The following CLCN7 variants were observed in gnomAD, a reference collection of about 807,000 sequenced individuals.
CLCN7 encodes the protein Cl-/H+ antiporter 7, also known as H(+)/Cl(-) exchange transporter 7.
A neutral mutation model predicts 102.1 loss-of-function variants in CLCN7; 60 were observed. That is an observed-to-expected ratio of 0.59 (90% CI 0.48 to 0.73). CLCN7 has a LOEUF of 0.73. CLCN7 is among the 30% of genes least tolerant of loss of function. The pLI is 0.00. For missense variants in CLCN7, 962 were observed against 1,125.7 expected, an observed-to-expected ratio of 0.85 and a Z score of 2.08; for synonymous variants, 560 against 490.5, an observed-to-expected ratio of 1.14 and a Z score of -1.87.
At position 1,475,014 on chromosome 16, in the gene CLCN7, G is replaced by A; in HGVS notation, c.-40C>T. ...CGACACCGGCCGGGAAGCGCCGGCT[G>A]CCCCCGTGTTTGTTCTCGTGACCCG... On this transcript the variant is annotated 5_prime_UTR_variant, in exon 1 of 25. Transcript: ENST00000382745. 4.2e-6 allele frequency: 6 copies of A among 1,414,396 alleles called. No individual in the cohort carries two copies. Among genetic ancestry groups the A allele is most frequent in the South Asian group, 2.9e-5 (2 of 69,256 alleles). The allele number at this position is 1,414,396 out of a possible 1,614,324, so 87.6% of individuals were successfully genotyped here.
At chr16:1,449,400 A>C (rs2038706954) in intron 17 of CLCN7, 73 bp from the exon 18 acceptor site, 2 of 1,459,418 alleles carry the variant, frequency 1.4e-6, no homozygotes, top group Admixed American at 3.9e-5. Flanking sequence ...CAGACGGAGG[A>C]GGCCCTGCCC....
At chr16:1,464,652 G>A (rs1434655301) in intron 2 of CLCN7, among the ~76,000 whole-genome samples, 1 of 152,224 alleles carries the variant, frequency 6.6e-6, no homozygotes, top group Non-Finnish European at 1.5e-5. Flanking sequence ...GGCAGAGCCA[G>A]GTGGGGCCTG....
At chr16:1,454,827 C>G (rs958599481) in intron 12 of CLCN7, among the ~76,000 whole-genome samples, 7 of 152,242 alleles carry the variant, frequency 4.6e-5, no homozygotes, top group African/African-American at 1.7e-4. Context: ...ACCCTGGAAA[C>G]TAGGCCTGAG....
chr16:1,455,168 G>A lies in CLCN7; in HGVS notation c.1064C>T (p.Pro355Leu). 5.0e-6 allele frequency: 8 copies of A among 1,613,350 alleles called. No homozygotes were observed. Among genetic ancestry groups the A allele is most frequent in the Non-Finnish European group, 6.8e-6 (8 of 1,179,358 alleles). ...AAACCTTCCGAAGTTGATGAGGCCT[G>A]GGCTGGACAGGTCCCACATGTTCCC... ...YHGNMWDLSS[P>L]GLINFGRFDS... is the part of the protein sequence containing the mutation. Residue 355 changes from proline to leucine, a missense_variant, in exon 12 of 25, where the codon CCA becomes CTA. Pro to Leu is a moderately conservative substitution (Grantham distance 98, BLOSUM62 -3). Around this residue, in one of 2 missense-constraint regions of CLCN7, gnomAD observed 799 missense variants for 988.0 expected, o/e 0.81. Coordinates refer to ENST00000382745, the MANE Select transcript of CLCN7 (RefSeq NM_001287.6).
Position 1,450,484 on chromosome 16 carries a change from C to T in CLCN7, c.1617+13G>A, listed in dbSNP as rs58998621. The T allele has an allele frequency of 1.1e-3, 1,668 of 1,587,548 alleles. 16 individuals carry two copies. In the African/African-American group the frequency reaches 0.02, roughly 19 times the overall value. ...CTGCAGGGCCCCACAGCCTCCCCTC[C>T]GGCCCCACTCACCGCCGCCCCCGTG... On this transcript the variant is annotated intron_variant, in intron 17 of 24. Transcript: ENST00000382745.
chr16:1,446,668 T>A lies in CLCN7; in HGVS notation c.2381A>T (p.Lys794Met), dbSNP rs2038650035. The change falls in exon 25 of 25, where the codon AAG (lysine) becomes ATG (methionine). Residue 794 changes from lysine (K) to methionine (M), a missense_variant. Physicochemically the swap from Lys to Met is moderately conservative, Grantham distance 95. This residue lies in a region of CLCN7 where 799 missense variants were observed against 988.0 expected (regional missense o/e 0.81). Coordinates refer to ENST00000382745, the MANE Select transcript of CLCN7 (RefSeq NM_001287.6). ...CAGCGAGAGCTCCTCCAAGCCTCTC[T>A]TTCCCAGGCGGTACCTGGCGAGGTC... ...RKDLARYRLG[K>M]RGLEELSLAQ... 1 of 1,586,044 alleles carries A rather than the reference T, an allele frequency of 6.3e-7. No homozygotes were observed. The highest frequency in any genetic ancestry group is 8.6e-7 in the Non-Finnish European group (1 of 1,166,124).
chr16:1,451,666 G>A lies in CLCN7; in HGVS notation c.1404C>T (p.Asn468=). The A allele has an allele frequency of 1.9e-6, 3 of 1,612,828 alleles. No homozygotes were observed. The highest frequency in any genetic ancestry group is 1.7e-5 in the Admixed American group (1 of 60,018). The stretch of plus-strand genomic sequence containing the variant: ...GGCTCACCACGCTCTTCTCCGGGGT[G>A]TTGAAGAAGGCCGCAGCCATGGAGT... ...EYNSMAAAFF[N]TPEKSVVSLF... The change falls in exon 16 of 25, where the codon AAC becomes AAT. Residue 468 remains asparagine (N), a synonymous_variant. Transcript: ENST00000382745.
chr16:1,451,598 G>A (rs1355749953), intron 16 of CLCN7, 25 bp downstream of exon 16: 3 of 1,598,124 alleles, frequency 1.9e-6, no homozygotes, highest in African/African-American at 2.7e-5. Flanking sequence ...CCCAGGGCCT[G>A]CCCAGCGGCA....
chr16:1,452,046 C>A (rs911822527), intron 15 of CLCN7: 4 of 370,738 alleles, frequency 1.1e-5, no homozygotes, highest in African/African-American at 6.3e-5. Flanking sequence ...CAGGCGCTCA[C>A]ATGAGCTCCT....
chr16:1,449,812 G>A (rs1285334341), intron 17 of CLCN7: 2 of 216,136 alleles, frequency 9.3e-6, no homozygotes, highest in Non-Finnish European at 1.9e-5. Flanking sequence ...CGTGAGAAAC[G>A]CCGCTGAACT....
chr16:1,454,445 G>C lies in CLCN7; in HGVS notation c.1119C>G (p.His373Gln). 1 of 1,613,742 alleles carries C rather than the reference G, an allele frequency of 6.2e-7. No homozygotes were observed. ...CCATGGCGATGAAGACCGGGATCTC[G>C]TGGATCGTGTAGGCCATTTTCTGTG... Reference protein sequence around the residue: ...FDSEKMAYTIHEIPVFIAMGV... With the variant: ...FDSEKMAYTIQEIPVFIAMGV... The change falls in exon 13 of 25, where the codon CAC becomes CAG. Residue 373 changes from histidine to glutamine, a missense_variant. By Grantham distance (24) the His-to-Gln change is conservative. Around this residue, in one of 2 missense-constraint regions of CLCN7, gnomAD observed 799 missense variants for 988.0 expected, o/e 0.81. Transcript: ENST00000382745.
chr16:1,473,646 T>A (rs2039109697), intron 1 of CLCN7, among the ~76,000 whole-genome samples: 1 of 151,766 alleles, frequency 6.6e-6, no homozygotes, highest in South Asian at 2.1e-4. Context: ...GTGCTGGGAT[T>A]ACAGATGTGA....
chr16:1,455,601 G>T, intron 11 of CLCN7, 130 bp downstream of exon 11: 1 of 998,800 alleles, frequency 1.0e-6, no homozygotes, highest in Non-Finnish European at 1.6e-6. Flanking sequence ...GCAGGACCAA[G>T]GCCTGACAGA....
At position 1,461,385 on chromosome 16, in the gene CLCN7, G is replaced by A. The variant is rs768912798; in HGVS notation, c.351+20C>T. ...AGGCCCCGCACCGTGGGGCCCTGCA[G>A]GGAGCGGCGTCCAGCTCACCGTGTG... On this transcript the variant is annotated intron_variant, in intron 4 of 24. Coordinates refer to ENST00000382745, the MANE Select transcript of CLCN7 (RefSeq NM_001287.6). The A allele has an allele frequency of 3.9e-5, 61 of 1,547,436 alleles. 1 individual carries two copies. The South Asian group carries it at 6.4e-4, about 16-fold the overall frequency.
intron 1 of CLCN7, among the ~76,000 whole-genome samples, chr16:1,470,109 A>C (rs770938832): frequency 6.6e-6 from 1 of 152,258 alleles, no homozygotes; most frequent in African/African-American, 2.4e-5. Flanking sequence ...GTTGTGTAAC[A>C]CTAAGAGCGT....
chr16:1,447,274 A>G, intron 23 of CLCN7, 118 bp downstream of exon 23: 2 of 1,215,648 alleles, frequency 1.6e-6, no homozygotes, highest in Non-Finnish European at 2.3e-6. Context: ...CACAGGAGAC[A>G]GAGTCACCGA....
chr16:1,453,122 C>T (rs919754853), intron 14 of CLCN7, among the ~76,000 whole-genome samples: 1 of 152,196 alleles, frequency 6.6e-6, no homozygotes, highest in Non-Finnish European at 1.5e-5. Context: ...ATTGTCTTGC[C>T]TCAGCCTCCC....
intron 16 of CLCN7, 87 bp from the exon 17 acceptor site, chr16:1,450,753 A>C: frequency 8.6e-7 from 1 of 1,164,880 alleles, no homozygotes; most frequent in Non-Finnish European, 1.2e-6. Context: ...CGGGCCTCAC[A>C]GTCACCTTCC....
chr16:1,460,259 C>T (rs372772268), intron 6 of CLCN7, among the ~76,000 whole-genome samples, 159 bp downstream of exon 6: 30 of 151,770 alleles, frequency 2.0e-4, no homozygotes, highest in African/African-American at 6.3e-4. Context: ...GTGTCTGCTC[C>T]TCCTGAGGTT....
Sources: gnomAD v4.1 joint callset for allele counts (sites outside exome capture counted in the v4.1 genomes callset) on GRCh38, gnomAD v4.1.1 for gene constraint, gnomAD v4.1.1 regional missense constraint, MANE v1.5 for transcripts, NCBI Gene and HGNC (gene_info 2026-07-23, HGNC 2026-07-21) for gene names.